The following DDX21 variants were observed in gnomAD, a reference collection of about 807,000 sequenced individuals.
The protein encoded by DDX21 is nucleolar RNA helicase 2.
DDX21 carries 18 observed loss-of-function variants against 90.0 expected under a neutral mutation model. That is an observed-to-expected ratio of 0.20 (90% CI 0.14 to 0.30). The LOEUF (loss-of-function observed/expected upper bound fraction) is 0.30, where lower values mean the gene tolerates loss of function less well. Ranked by LOEUF, DDX21 falls within the 10% of genes least tolerant of loss-of-function variation. The pLI is 1.00. For synonymous variants in DDX21, 294 were observed against 318.0 expected, an observed-to-expected ratio of 0.92 and a Z score of 0.80; for missense variants, 673 against 944.5, an observed-to-expected ratio of 0.71 and a Z score of 3.77.
intron 2 of DDX21, among the ~76,000 whole-genome samples, chr10:68,961,199 A>G (rs1842869003): frequency 6.6e-6 from 1 of 152,214 alleles, no homozygotes; most frequent in South Asian, 2.1e-4. Flanking sequence ...CCTCCCGAGT[A>G]GCTGGGATTA....
intron 5 of DDX21, 115 bp from the exon 6 acceptor site, chr10:68,966,903 G>T: frequency 1.3e-6 from 1 of 747,532 alleles, no homozygotes; most frequent in Non-Finnish European, 2.1e-6. Context: ...ATATTACTTT[G>T]TACTTGTAGG....
chr10:68,981,504 G>A (rs1220560454), intron 13 of DDX21, 33 bp from the exon 14 acceptor site: 1 of 1,603,174 alleles, frequency 6.2e-7, no homozygotes, highest in East Asian at 2.2e-5. Flanking sequence ...ATGTGCGTTG[G>A]TTGGATTAAC....
In DDX21 at chr10:68,984,683, C is replaced by T. The variant is rs1843242707; in HGVS notation, c.*1871C>T. 6.6e-6 allele frequency: 1 copy of T among 152,096 alleles called. No homozygotes were observed. The allele number at this position is 152,096 out of a possible 1,614,324, so 9.4% of individuals were successfully genotyped here. On this transcript the variant is annotated 3_prime_UTR_variant, in exon 15 of 15. Transcript: ENST00000354185. ...TCCTTTAGAAAAGAACAGCTAAAAC[C>T]TTGTTGTGGATTATGGATTTAGCCT...
chr10:68,965,541 G>T (rs762744228), intron 5 of DDX21, 47 bp downstream of exon 5: 2 of 1,350,978 alleles, frequency 1.5e-6, no homozygotes, highest in Non-Finnish European at 2.1e-6. Flanking sequence ...ACCCATTGTT[G>T]ACTGCTCTGA....
rs1430268888 is a variant in DDX21, at chr10:68,983,682, A to G, written c.*870A>G. The G allele has an allele frequency of 7.5e-6, 1 of 134,132 alleles. No individual in the cohort carries two copies. Among genetic ancestry groups the G allele is most frequent in the African/African-American group, 2.9e-5 (1 of 34,992 alleles). 8.3% of individuals were successfully genotyped at this position (134,132 alleles called of 1,614,324 possible). ...AAGGGAGTAGGGGGCGCAGATTAGC[A>G]TTGCTCAAGAGTATGTAAAAAAAAA... is the stretch of plus-strand genomic sequence containing the variant. On this transcript the variant is annotated 3_prime_UTR_variant, in exon 15 of 15. Transcript: ENST00000354185.
chr10:68,969,570 G>A (rs980509905), intron 7 of DDX21, among the ~76,000 whole-genome samples: 2 of 152,190 alleles, frequency 1.3e-5, no homozygotes, highest in African/African-American at 4.8e-5. Flanking sequence ...GAGCCACCAC[G>A]CCCGGCCCGA....
At chr10:68,977,479 A>G in intron 11 of DDX21, 50 bp from the exon 12 acceptor site, 1 of 1,488,062 alleles carries the variant, frequency 6.7e-7, no homozygotes, top group Non-Finnish European at 9.0e-7. Flanking sequence ...TTAGAAATGA[A>G]ATGTGTCCAC....
intron 7 of DDX21, 114 bp from the exon 8 acceptor site, chr10:68,970,087 G>A (rs993253307): frequency 2.2e-5 from 23 of 1,048,026 alleles, no homozygotes; most frequent in Non-Finnish European, 2.8e-5. Flanking sequence ...TTGAGTAGTT[G>A]TTTCCAGGAG....
intron 9 of DDX21, 126 bp from the exon 10 acceptor site, chr10:68,973,419 G>A: frequency 1.7e-6 from 2 of 1,183,128 alleles, no homozygotes; most frequent in Non-Finnish European, 2.4e-6. Context: ...AAGTGCTAAG[G>A]GACCTTCTCC....
At chr10:68,960,589 G>A (rs541136597) in intron 2 of DDX21, among the ~76,000 whole-genome samples, 1 of 152,118 alleles carries the variant, frequency 6.6e-6, no homozygotes. Context: ...AGCCTCCTCA[G>A]TAGGTGGGAT....
chr10:68,964,101 G>GAAAAAAAAAA (rs750726882), intron 4 of DDX21: 42 of 237,512 alleles, frequency 1.8e-4, no homozygotes, highest in South Asian at 4.5e-4. Flanking sequence ...TCCGTCTCAA[G>GAAAAAAAAAA]AAAAAAAAAA....
At chr10:68,974,264 C>G (rs1242116610) in intron 10 of DDX21, among the ~76,000 whole-genome samples, 2 of 152,162 alleles carry the variant, frequency 1.3e-5, no homozygotes, top group Non-Finnish European at 2.9e-5. Flanking sequence ...GGGTATTCCT[C>G]CCCCAAATAT....
At chr10:68,970,955 A>ATTTT (rs56314802) in intron 8 of DDX21, among the ~76,000 whole-genome samples, 1,185 of 72,566 alleles carry the variant, frequency 0.016, 168 homozygotes, top group Middle Eastern at 0.032. Flanking sequence ...GCCCAGCCTA[A>ATTTT]TTTTTTTTTT....
chr10:68,981,488 T>C, intron 13 of DDX21, 49 bp from the exon 14 acceptor site: 2 of 1,558,106 alleles, frequency 1.3e-6, no homozygotes, highest in Non-Finnish European at 1.8e-6. Flanking sequence ...AAAGGGAGTA[T>C]TTTTCATGTG....
At chr10:68,966,929 T>A (rs1010546098) in intron 5 of DDX21, 89 bp from the exon 6 acceptor site, 2 of 1,073,928 alleles carry the variant, frequency 1.9e-6, no homozygotes, top group Non-Finnish European at 1.3e-6. Flanking sequence ...AACAAATATT[T>A]TAGAGTAACA....
Position 68,978,760 on chromosome 10 carries a change from T to C in DDX21, c.1903-82T>C, listed in dbSNP as rs988140823. The stretch of plus-strand genomic sequence containing the variant: ...TTTAGGAATAACTTTTCAAGAAATA[T>C]TTTAGAATCACAAAAGCAGGTATTT... On this transcript the variant is annotated intron_variant, in intron 12 of 14. Transcript: ENST00000354185. 16 of 1,516,154 alleles carry C rather than the reference T, an allele frequency of 1.1e-5. No homozygotes were observed. The East Asian group carries it at 2.1e-4, about 19-fold the overall frequency. The allele number at this position is 1,516,154 out of a possible 1,614,324, so 93.9% of individuals were successfully genotyped here.
Position 68,972,087 on chromosome 10 carries a change from GT to G in DDX21, c.1548+43del, listed in dbSNP as rs201932275. 13 of 1,575,428 alleles carry G rather than the reference GT, an allele frequency of 8.3e-6. No homozygotes were observed. In the Admixed American group the frequency reaches 1.3e-4, roughly 16 times the overall value. ...TTATGCTTAGATTTTATTTTGTTTTGTTTTTTTTGGGTATTAAAACAAATTG... is the reference window on the plus strand; with the variant it reads ...TTATGCTTAGATTTTATTTTGTTTTGTTTTTTTGGGTATTAAAACAAATTG... On this transcript the variant is annotated intron_variant, in intron 9 of 14. Coordinates refer to ENST00000354185, the MANE Select transcript of DDX21 (RefSeq NM_004728.4).
chr10:68,976,758 C>T (rs180884307), intron 11 of DDX21, among the ~76,000 whole-genome samples: 2 of 152,218 alleles, frequency 1.3e-5, no homozygotes, highest in Non-Finnish European at 2.9e-5. Context: ...CAGCCTCCAG[C>T]GTGCCAGCCC....
At chr10:68,982,430 C>T (rs1564631182) in intron 14 of DDX21, 113 bp from the exon 15 acceptor site, 2 of 1,399,354 alleles carry the variant, frequency 1.4e-6, no homozygotes, top group African/African-American at 2.9e-5. Context: ...ACTTGTTAAG[C>T]ACTTATGTTA....
Sources: gnomAD v4.1 joint callset for allele counts (sites outside exome capture counted in the v4.1 genomes callset) on GRCh38, gnomAD v4.1.1 for gene constraint, MANE v1.5 for transcripts, NCBI Gene and HGNC (gene_info 2026-07-23, HGNC 2026-07-21) for gene names.